The following PAMR1 variants were observed in gnomAD, a reference collection of about 807,000 sequenced individuals.
PAMR1 encodes peptidase domain containing associated with muscle regeneration 1.
In PAMR1, 88 loss-of-function variants were observed where a neutral mutation model predicts 81.8. The ratio of observed to expected loss-of-function variants is 1.08; its 90% CI spans 0.91 to 1.28. The LOEUF is 1.28. Among genes scored for constraint, PAMR1 ranks in the 50% most tolerant of loss-of-function variants. The pLI is 0.00. For synonymous variants in PAMR1, 336 were observed against 345.3 expected (o/e 0.97, Z 0.30); for missense variants, 935 against 919.7 (o/e 1.02, Z -0.21).
At chr11:35,437,062 C>A (rs191084729) in intron 8 of PAMR1, among the ~76,000 whole-genome samples, 3 of 152,006 alleles carry the variant, frequency 2.0e-5, no homozygotes, top group Non-Finnish European at 4.4e-5. Flanking sequence ...GCGCATTGAT[C>A]GGGAGAAATA....
At chr11:35,464,312 A>G (rs1856718490) in intron 6 of PAMR1, among the ~76,000 whole-genome samples, 1 of 152,222 alleles carries the variant, frequency 6.6e-6, no homozygotes, top group South Asian at 2.1e-4. Flanking sequence ...AAATCAGAAT[A>G]CCAACATGGA....
upstream of PAMR1, among the ~76,000 whole-genome samples, chr11:35,528,253 A>T (rs112735390): frequency 5.9e-4 from 90 of 152,322 alleles, no homozygotes; most frequent in African/African-American, 2.1e-3. Context: ...AATTTATAAA[A>T]GTATAGTGTC....
chr11:35,506,442 T>C lies in PAMR1; in HGVS notation c.74-12170A>G, dbSNP rs978353071. On this transcript the variant is annotated intron_variant, in intron 1 of 10. Coordinates refer to ENST00000619888, the MANE Select transcript of PAMR1 (RefSeq NM_001001991.3). ...TTTTTTTGTTTTTTGGTGTTTTTTT[T>C]TTTCAGATTAACTAACTTCTCTTAG... Among the ~76,000 whole-genome samples, 1,149 of 151,784 alleles carry C rather than the reference T, an allele frequency of 7.6e-3. 11 individuals carry two copies. The highest frequency in any genetic ancestry group is 0.026 in the African/African-American group (1,090 of 41,474).
chr11:35,436,967 A>G (rs1330104748), intron 8 of PAMR1, among the ~76,000 whole-genome samples: 1 of 152,210 alleles, frequency 6.6e-6, no homozygotes, highest in Admixed American at 6.5e-5. Flanking sequence ...AATTGACTCA[A>G]ACTAAACTGT....
At chr11:35,447,233 C>T (rs1192087956) in intron 6 of PAMR1, among the ~76,000 whole-genome samples, 1 of 129,472 alleles carries the variant, frequency 7.7e-6, no homozygotes, top group Non-Finnish European at 1.6e-5. Context: ...GATGGAGTCT[C>T]GCTCTGTTAC....
chr11:35,512,483 T>C (rs758939808), intron 1 of PAMR1, among the ~76,000 whole-genome samples: 6 of 152,228 alleles, frequency 3.9e-5, no homozygotes, highest in Non-Finnish European at 7.3e-5. Context: ...AATTGGTTCC[T>C]GAGAGTTCAT....
At chr11:35,464,189 T>G (rs1856715837) in intron 6 of PAMR1, among the ~76,000 whole-genome samples, 1 of 152,190 alleles carries the variant, frequency 6.6e-6, no homozygotes, top group African/African-American at 2.4e-5. Context: ...GCAGTGCTCT[T>G]CATAATAGCA....
chr11:35,470,838 C>T lies in PAMR1; in HGVS notation c.495-20G>A, dbSNP rs938653. On this transcript the variant is annotated intron_variant, in intron 4 of 10. Transcript: ENST00000619888. ...ACAAATCTGTGGGTGGACAGGGTGA[C>T]GGAGGGAAGCAGATGGGCCCTGGAC... 2.6e-3 allele frequency: 4,169 copies of T among 1,584,124 alleles called. 10 individuals carry two copies. Among genetic ancestry groups the T allele is most frequent in the Middle Eastern group, 0.011 (65 of 5,764 alleles).
chr11:35,521,726 C>T (rs1851282749), intron 1 of PAMR1, among the ~76,000 whole-genome samples: 1 of 152,192 alleles, frequency 6.6e-6, no homozygotes, highest in African/African-American at 2.4e-5. Flanking sequence ...AGATGTCCAT[C>T]AGCATAATCA....
chr11:35,444,396 G>A lies in PAMR1; in HGVS notation c.821-2703C>T, dbSNP rs192184018. On this transcript the variant is annotated intron_variant, in intron 6 of 10. Transcript: ENST00000619888. The stretch of plus-strand genomic sequence containing the variant: ...TGTTTTTGTTTCAATTGCTTTTGAC[G>A]TTTTTGTCATGAAATCTTTGCCTGT... Among the ~76,000 whole-genome samples, 324 of 152,250 alleles carry A rather than the reference G, an allele frequency of 2.1e-3. 2 individuals are homozygous for A. Among genetic ancestry groups the A allele is most frequent in the Middle Eastern group, 0.01 (3 of 294 alleles).
At chr11:35,434,207 G>A (rs1855980863) in intron 10 of PAMR1, among the ~76,000 whole-genome samples, 1 of 151,908 alleles carries the variant, frequency 6.6e-6, no homozygotes, top group Non-Finnish European at 1.5e-5. Flanking sequence ...TATCCTACCA[G>A]GTAACATGTG....
intron 6 of PAMR1, among the ~76,000 whole-genome samples, chr11:35,460,312 C>CT (rs1054098077): frequency 0.031 from 4,419 of 141,300 alleles, 104 homozygotes; most frequent in Admixed American, 0.077. Flanking sequence ...CCTCCTCTTT[C>CT]TTTTTTTTTT....
At chr11:35,454,815 A>G (rs1590331904) in intron 6 of PAMR1, among the ~76,000 whole-genome samples, 1 of 152,110 alleles carries the variant, frequency 6.6e-6, no homozygotes, top group Non-Finnish European at 1.5e-5. Context: ...AGGACTTCCA[A>G]CCTCCACAAA....
chr11:35,527,968 G>A (rs1851418060), upstream of PAMR1, among the ~76,000 whole-genome samples: 1 of 152,016 alleles, frequency 6.6e-6, no homozygotes, highest in African/African-American at 2.4e-5. Flanking sequence ...TCCTTCCCAT[G>A]ACACGTGGGG....
chr11:35,490,710 A>G (rs1850606717), intron 3 of PAMR1, among the ~76,000 whole-genome samples: 1 of 152,246 alleles, frequency 6.6e-6, no homozygotes, highest in Non-Finnish European at 1.5e-5. Flanking sequence ...ATAGGATAAC[A>G]GTGACATATT....
intron 3 of PAMR1, among the ~76,000 whole-genome samples, chr11:35,479,038 T>C (rs887261391): frequency 7.9e-5 from 12 of 152,170 alleles, no homozygotes; most frequent in African/African-American, 2.9e-4. Context: ...GTAAGACAGC[T>C]GGAAAAGGCT....
chr11:35,439,800 T>C, intron 7 of PAMR1, 107 bp from the exon 8 acceptor site: 1 of 882,810 alleles, frequency 1.1e-6, no homozygotes, highest in South Asian at 1.4e-5. Flanking sequence ...CAGGTGCCCA[T>C]TCCCCAGGCT....
chr11:35,466,224 A>T (rs923783248), intron 6 of PAMR1, among the ~76,000 whole-genome samples: 7 of 152,180 alleles, frequency 4.6e-5, no homozygotes, highest in Admixed American at 3.9e-4. Context: ...AGAGAATGCA[A>T]CATTTCTCTG....
chr11:35,474,808 G>A, intron 3 of PAMR1, 64 bp from the exon 4 acceptor site: 5 of 1,069,402 alleles, frequency 4.7e-6, no homozygotes, highest in Non-Finnish European at 7.1e-6. Context: ...ACTAGAGAAG[G>A]TCTCAACGAG....
Sources: gnomAD v4.1 joint callset for allele counts (sites outside exome capture counted in the v4.1 genomes callset) on GRCh38, gnomAD v4.1.1 for gene constraint, MANE v1.5 for transcripts, NCBI Gene and HGNC (gene_info 2026-07-23, HGNC 2026-07-21) for gene names.